Variants in RALYL observed in about 807,000 individuals in gnomAD.
RALYL encodes the protein RNA-binding Raly-like protein.
Under a neutral mutation model 35.1 loss-of-function variants are expected in RALYL, and 29 were observed. That is an observed-to-expected ratio of 0.83 (90% CI 0.61 to 1.13). The LOEUF is 1.13. Ranked by LOEUF, RALYL falls within the 50% of genes most tolerant of loss-of-function variation. The pLI is 0.00. For missense variants in RALYL, 359 were observed against 360.4 expected, an observed-to-expected ratio of 1.00 and a Z score of 0.03; for synonymous variants, 120 against 127.6, an observed-to-expected ratio of 0.94 and a Z score of 0.40.
At chr8:84,309,021 C>G (rs1244470842) in intron 1 of RALYL, among the ~76,000 whole-genome samples, 2 of 151,460 alleles carry the variant, frequency 1.3e-5, no homozygotes, top group Non-Finnish European at 3.0e-5. Context: ...AAAGTATATA[C>G]TATACAATTA....
intron 1 of RALYL, among the ~76,000 whole-genome samples, chr8:84,318,352 A>T (rs1844157668): frequency 6.6e-6 from 1 of 152,160 alleles, no homozygotes; most frequent in Non-Finnish European, 1.5e-5. Flanking sequence ...TATCAGCTTA[A>T]TTATCTTATC....
intron 2 of RALYL, among the ~76,000 whole-genome samples, chr8:84,706,330 C>G (rs1286892353): frequency 6.6e-6 from 1 of 152,158 alleles, no homozygotes; most frequent in Non-Finnish European, 1.5e-5. Flanking sequence ...CAGTCTAGCT[C>G]AGCATCCTTC....
chr8:84,219,142 C>A (rs1478422912), intron 1 of RALYL, among the ~76,000 whole-genome samples: 2 of 152,180 alleles, frequency 1.3e-5, no homozygotes, highest in Admixed American at 6.6e-5. Context: ...TGTGTCCCCA[C>A]CCAAATTTCA....
intron 1 of RALYL, among the ~76,000 whole-genome samples, chr8:84,375,573 T>C (rs77227623): frequency 0.033 from 4,959 of 151,866 alleles, 128 homozygotes; most frequent in Middle Eastern, 0.054. Context: ...CAGGAACCTA[T>C]AGGAAGAATT....
chr8:84,655,415 G>A (rs902823634), intron 2 of RALYL, among the ~76,000 whole-genome samples: 1 of 151,854 alleles, frequency 6.6e-6, no homozygotes, highest in Non-Finnish European at 1.5e-5. Flanking sequence ...TGTAACTGCT[G>A]CCTTCCAGGT....
chr8:84,682,548 T>C (rs1835793991), intron 2 of RALYL, among the ~76,000 whole-genome samples: 1 of 152,084 alleles, frequency 6.6e-6, no homozygotes, highest in Admixed American at 6.5e-5. Context: ...GAGATTCAAC[T>C]TCTTCCTGGT....
chr8:84,699,289 A>T (rs1037603115), intron 2 of RALYL, among the ~76,000 whole-genome samples: 2 of 152,092 alleles, frequency 1.3e-5, no homozygotes, highest in African/African-American at 2.4e-5. Context: ...GCTGCTGAGG[A>T]AGTATTTTTT....
chr8:84,522,128 A>G (rs142850247), intron 1 of RALYL, among the ~76,000 whole-genome samples: 1 of 152,082 alleles, frequency 6.6e-6, no homozygotes, highest in East Asian at 1.9e-4. Flanking sequence ...ATTTTTATTT[A>G]TAAAATCTCT....
intron 1 of RALYL, among the ~76,000 whole-genome samples, chr8:84,326,994 T>A (rs1218101192): frequency 6.6e-6 from 1 of 152,230 alleles, no homozygotes; most frequent in African/African-American, 2.4e-5. Flanking sequence ...GCCTCTGATA[T>A]TCATGAGATT....
intron 8 of RALYL, among the ~76,000 whole-genome samples, chr8:84,916,342 T>C (rs1332538044): frequency 6.6e-6 from 1 of 151,388 alleles, no homozygotes; most frequent in Non-Finnish European, 1.5e-5. Flanking sequence ...AAGAGGGTTC[T>C]TTTTTTTTAA....
intron 1 of RALYL, among the ~76,000 whole-genome samples, chr8:84,280,568 T>A (rs1836338231): frequency 6.6e-6 from 1 of 151,792 alleles, no homozygotes; most frequent in Non-Finnish European, 1.5e-5. Context: ...TATTTTTATT[T>A]CTGGATTTAA....
chr8:84,232,290 A>G (rs760726573), intron 1 of RALYL, among the ~76,000 whole-genome samples: 24 of 152,148 alleles, frequency 1.6e-4, no homozygotes, highest in Non-Finnish European at 2.8e-4. Context: ...TAACATATAC[A>G]TGGTGGAAGA....
intron 2 of RALYL, among the ~76,000 whole-genome samples, chr8:84,643,895 T>C (rs1424727870): frequency 2.0e-5 from 3 of 151,936 alleles, no homozygotes; most frequent in East Asian, 1.9e-4. Context: ...CTAGCCATGA[T>C]CCTCCTGAAA....
At chr8:84,311,090 A>AAAAAAAAATATATAT (rs1554614840) in intron 1 of RALYL, among the ~76,000 whole-genome samples, 1 of 99,720 alleles carries the variant, frequency 1.0e-5, no homozygotes, top group African/African-American at 3.6e-5. Flanking sequence ...AAAAAAAAAA[A>AAAAAAAAATATATAT]ATGTATATTA....
intron 1 of RALYL, among the ~76,000 whole-genome samples, chr8:84,272,804 G>A (rs938438657): frequency 5.9e-5 from 9 of 152,164 alleles, no homozygotes; most frequent in African/African-American, 2.2e-4. Flanking sequence ...AACTAGGGCA[G>A]TTAATTAGAA....
At chr8:84,276,647 T>C (rs1391399403) in intron 1 of RALYL, among the ~76,000 whole-genome samples, 2 of 152,124 alleles carry the variant, frequency 1.3e-5, no homozygotes, top group Non-Finnish European at 2.9e-5. Flanking sequence ...TGTGTCCTTA[T>C]AAGCAGATAA....
intron 1 of RALYL, among the ~76,000 whole-genome samples, chr8:84,318,292 T>C (rs1439304718): frequency 1.3e-5 from 2 of 152,190 alleles, no homozygotes; most frequent in Non-Finnish European, 2.9e-5. Flanking sequence ...CAAATATCTT[T>C]TCTGTTGCTC....
chr8:84,623,656 C>T (rs911407586), intron 2 of RALYL, among the ~76,000 whole-genome samples: 3 of 151,844 alleles, frequency 2.0e-5, no homozygotes, highest in African/African-American at 4.8e-5. Context: ...AACAGCAATT[C>T]GAAGAAGTTT....
At chr8:84,770,453 T>C (rs1815175628) in intron 2 of RALYL, among the ~76,000 whole-genome samples, 1 of 117,940 alleles carries the variant, frequency 8.5e-6, no homozygotes, top group South Asian at 2.5e-4. Flanking sequence ...TGCTGATTGA[T>C]GGGCCTTTGG....
Sources: allele counts gnomAD v4.1 joint callset (sites outside exome capture counted in the v4.1 genomes callset), GRCh38; gene constraint gnomAD v4.1.1; transcripts MANE v1.5; gene names NCBI Gene and HGNC (gene_info 2026-07-23, HGNC 2026-07-21).